Variants in TMEM267 observed in about 807,000 individuals in gnomAD.
TMEM267 encodes transmembrane protein C5orf28.
TMEM267 carries 20 observed loss-of-function variants against 19.3 expected under a neutral mutation model. That is an observed-to-expected ratio of 1.04 (90% CI 0.73 to 1.51). The LOEUF is 1.51. Among genes scored for constraint, TMEM267 ranks in the 40% most tolerant of loss-of-function variants. The pLI is 0.00. For synonymous variants in TMEM267, 88 were observed against 90.3 expected, an observed-to-expected ratio of 0.97 and a Z score of 0.15; for missense variants, 242 against 261.9, an observed-to-expected ratio of 0.92 and a Z score of 0.52.
At chr5:43,448,701 G>A (rs1579781399) in intron 2 of TMEM267, among the ~76,000 whole-genome samples, 1 of 151,756 alleles carries the variant, frequency 6.6e-6, no homozygotes, top group African/African-American at 2.4e-5. Flanking sequence ...GCTTGAACCT[G>A]GGAGGTGGAG....
At chr5:43,450,894 G>T (rs1338519312) in intron 2 of TMEM267, among the ~76,000 whole-genome samples, 1 of 151,980 alleles carries the variant, frequency 6.6e-6, no homozygotes, top group Non-Finnish European at 1.5e-5. Context: ...GAGTGCAATA[G>T]TGTGATCTTG....
intron 1 of TMEM267, among the ~76,000 whole-genome samples, chr5:43,470,460 A>G (rs1464558529): frequency 6.6e-6 from 1 of 152,170 alleles, no homozygotes; most frequent in East Asian, 1.9e-4. Context: ...CATCTTACAC[A>G]TACTGATTGA....
At chr5:43,481,289 A>T (rs1744750431) in intron 1 of TMEM267, among the ~76,000 whole-genome samples, 1 of 151,352 alleles carries the variant, frequency 6.6e-6, no homozygotes, top group Non-Finnish European at 1.5e-5. Context: ...TTTTGTAGAG[A>T]TGGGGTCTCA....
intron 2 of TMEM267, among the ~76,000 whole-genome samples, chr5:43,447,852 G>A (rs1476999702): frequency 6.6e-6 from 1 of 152,156 alleles, no homozygotes; most frequent in African/African-American, 2.4e-5. Flanking sequence ...ACTGAAGAGT[G>A]TCCTAGTAGG....
chr5:43,456,458 T>C (rs1316987271), intron 1 of TMEM267, among the ~76,000 whole-genome samples: 1 of 152,134 alleles, frequency 6.6e-6, no homozygotes, highest in Admixed American at 6.5e-5. Flanking sequence ...AAGCTTCTGA[T>C]CTTTGAAAGA....
At chr5:43,464,221 TAA>T (rs1340114889) in intron 1 of TMEM267, among the ~76,000 whole-genome samples, 18 of 151,828 alleles carry the variant, frequency 1.2e-4, no homozygotes, top group African/African-American at 4.4e-4. Flanking sequence ...TCAAAGAGAA[TAA>T]AATACCTAGG....
chr5:43,464,456 T>C (rs1579809247), intron 1 of TMEM267, among the ~76,000 whole-genome samples: 1 of 152,356 alleles, frequency 6.6e-6, no homozygotes, highest in Non-Finnish European at 1.5e-5. Flanking sequence ...AAAAAACTAC[T>C]TTAAAGTTCC....
intron 1 of TMEM267, among the ~76,000 whole-genome samples, chr5:43,480,842 G>C (rs763535483): frequency 8.8e-5 from 10 of 113,052 alleles, no homozygotes; most frequent in Non-Finnish European, 1.5e-4. Flanking sequence ...TTGCTCTGTC[G>C]ACCAGGCTGG....
chr5:43,452,100 G>GA (rs1351019307), intron 2 of TMEM267, among the ~76,000 whole-genome samples: 1 of 137,600 alleles, frequency 7.3e-6, no homozygotes, highest in African/African-American at 2.7e-5. Context: ...AAAAAAGAAA[G>GA]AAAAAAGAAA....
chr5:43,477,946 G>A (rs1325815947), intron 1 of TMEM267, among the ~76,000 whole-genome samples: 3 of 152,134 alleles, frequency 2.0e-5, no homozygotes, highest in East Asian at 3.8e-4. Flanking sequence ...CTCTACAGTG[G>A]GTTTGTGGGC....
Position 43,446,416 on chromosome 5 carries a change from A to C in TMEM267, c.454T>G (p.Trp152Gly), listed in dbSNP as rs777381857. The stretch of plus-strand genomic sequence containing the variant: ...CCATCTCGGATATGATGTGAAGTCC[A>C]GGATATAAATAACATCCAGGGAAGA... ...CFLPWMLFIS[W>G]TSHHIRDGIR... is the part of the protein sequence containing the mutation. The change falls in exon 3 of 3, where the codon TGG (tryptophan) becomes GGG (glycine). Residue 152 changes from tryptophan to glycine, a missense_variant. Transcript: ENST00000397080. 6.2e-7 allele frequency: 1 copy of C among 1,614,006 alleles called. No homozygotes were observed. Among genetic ancestry groups the C allele is most frequent in the Admixed American group, 1.7e-5 (1 of 60,016 alleles).
At chr5:43,482,672 C>A (rs1441827836) in intron 1 of TMEM267, among the ~76,000 whole-genome samples, 1 of 152,192 alleles carries the variant, frequency 6.6e-6, no homozygotes, top group Non-Finnish European at 1.5e-5. Flanking sequence ...TCTGACATAA[C>A]TGACATATTA....
At chr5:43,449,341 C>G (rs147287028) in intron 2 of TMEM267, among the ~76,000 whole-genome samples, 170 of 152,090 alleles carry the variant, frequency 1.1e-3, no homozygotes, top group Middle Eastern at 3.4e-3. Flanking sequence ...AAAGTAAAAA[C>G]AGTCAGGTAG....
At chr5:43,454,208 ATT>A (rs374076278) in intron 1 of TMEM267, among the ~76,000 whole-genome samples, 165 bp from the exon 2 acceptor site, 73,264 of 133,240 alleles carry the variant, frequency 0.55, 21,826 homozygotes, top group African/African-American at 0.79. Flanking sequence ...AGGAGAATAG[ATT>A]TTTTTTTTTT....
chr5:43,463,087 T>TA (rs562376224), intron 1 of TMEM267, among the ~76,000 whole-genome samples: 242 of 152,030 alleles, frequency 1.6e-3, no homozygotes, highest in African/African-American at 5.6e-3. Context: ...ATAGATGCAA[T>TA]AAAAAATGAT....
At chr5:43,481,050 C>A (rs1488853924) in intron 1 of TMEM267, among the ~76,000 whole-genome samples, 1 of 150,398 alleles carries the variant, frequency 6.6e-6, no homozygotes, top group Non-Finnish European at 1.5e-5. Context: ...GTGATCCGCC[C>A]GCCTCGGCCT....
chr5:43,462,588 G>T (rs1474807791), intron 1 of TMEM267, among the ~76,000 whole-genome samples: 1 of 152,116 alleles, frequency 6.6e-6, no homozygotes, highest in East Asian at 1.9e-4. Flanking sequence ...CAAAAAGATT[G>T]AAATAATTAA....
intron 1 of TMEM267, among the ~76,000 whole-genome samples, chr5:43,465,852 C>T (rs564808520): frequency 1.3e-5 from 2 of 151,432 alleles, no homozygotes; most frequent in Non-Finnish European, 2.9e-5. Context: ...ATACCTAATG[C>T]TAAATGACAA....
chr5:43,469,402 A>G (rs1033587803), intron 1 of TMEM267, among the ~76,000 whole-genome samples: 2 of 152,218 alleles, frequency 1.3e-5, no homozygotes, highest in African/African-American at 4.8e-5. Context: ...CATTAGAAAG[A>G]TCACTCATCA....
Sources: gnomAD v4.1 joint callset for allele counts (sites outside exome capture counted in the v4.1 genomes callset) on GRCh38, gnomAD v4.1.1 for gene constraint, MANE v1.5 for transcripts, NCBI Gene and HGNC (gene_info 2026-07-23, HGNC 2026-07-21) for gene names.